The following ERC2 variants were observed in gnomAD, a reference collection of about 807,000 sequenced individuals.
The protein encoded by ERC2 is ERC protein 2.
ERC2 carries 42 observed loss-of-function variants against 114.8 expected under a neutral mutation model. The ratio of observed to expected loss-of-function variants is 0.37; its 90% CI spans 0.29 to 0.47. The LOEUF is 0.47. Among genes scored for constraint, ERC2 ranks in the 20% least tolerant of loss-of-function variants. ERC2 has a pLI of 0.99. For missense variants in ERC2, 939 were observed against 1,150.7 expected (o/e 0.82, Z 2.66); for synonymous variants, 454 against 425.5 (o/e 1.07, Z -0.82).
chr3:56,096,521 G>A (rs1256804296), intron 6 of ERC2, among the ~76,000 whole-genome samples: 3 of 152,266 alleles, frequency 2.0e-5, no homozygotes, highest in African/African-American at 7.2e-5. Context: ...CAAAAAAAGG[G>A]TGAATGTACT....
intron 7 of ERC2, among the ~76,000 whole-genome samples, chr3:56,040,173 A>T (rs1053800786): frequency 8.5e-5 from 13 of 152,348 alleles, no homozygotes; most frequent in Admixed American, 2.0e-4. Context: ...GCTTTTGCAC[A>T]GCAAAGGAAA....
intron 14 of ERC2, among the ~76,000 whole-genome samples, chr3:55,869,606 C>G (rs1161131982): frequency 6.6e-6 from 1 of 152,176 alleles, no homozygotes; most frequent in Non-Finnish European, 1.5e-5. Context: ...CATTCCTCAA[C>G]CACATGACTC....
chr3:56,321,719 TAACTC>T (rs1257363734), intron 2 of ERC2, among the ~76,000 whole-genome samples: 2 of 152,248 alleles, frequency 1.3e-5, no homozygotes, highest in African/African-American at 4.8e-5. Flanking sequence ...TTACAAGAAA[TAACTC>T]AAGTTAAGTT....
At chr3:55,893,688 T>A (rs575456357) in intron 13 of ERC2, among the ~76,000 whole-genome samples, 79 of 152,298 alleles carry the variant, frequency 5.2e-4, no homozygotes, top group African/African-American at 1.9e-3. Flanking sequence ...TTCTCTTTCC[T>A]CTTTTATTTT....
chr3:55,633,095 C>A (rs2059820421), intron 17 of ERC2, among the ~76,000 whole-genome samples: 1 of 152,172 alleles, frequency 6.6e-6, no homozygotes, highest in Non-Finnish European at 1.5e-5. Flanking sequence ...CTTTGGTGGG[C>A]TTTTGTGAGC....
rs368620542 is a variant in ERC2 at position 55,624,336 on chromosome 3, C to T, written c.*39+59458G>A. On this transcript the variant is annotated intron_variant, in intron 17 of 17. Transcript: ENST00000288221. ...TGAGGACGAGTCTGAGGTAGTTGAA[C>T]CTAATATGGTTGGAAATAAAGAGGA... is the stretch of plus-strand genomic sequence containing the variant. Among the ~76,000 whole-genome samples, 32 of 152,194 alleles carry T rather than the reference C, an allele frequency of 2.1e-4. No homozygotes were observed. In the East Asian group the frequency reaches 6.0e-3, roughly 28 times the overall value.
chr3:55,924,344 T>C (rs1363467586), intron 13 of ERC2, among the ~76,000 whole-genome samples: 4 of 152,006 alleles, frequency 2.6e-5, no homozygotes, highest in African/African-American at 9.7e-5. Flanking sequence ...TACAGACAAA[T>C]GAATGGGCAT....
chr3:56,121,001 AC>A (rs2079543588), intron 6 of ERC2, among the ~76,000 whole-genome samples: 1 of 152,216 alleles, frequency 6.6e-6, no homozygotes, highest in Non-Finnish European at 1.5e-5. Context: ...AACAAAAATG[AC>A]CCCAGAATCA....
intron 7 of ERC2, among the ~76,000 whole-genome samples, chr3:56,051,820 A>C (rs1489866328): frequency 1.6e-5 from 2 of 125,322 alleles, no homozygotes; most frequent in Non-Finnish European, 3.3e-5. Flanking sequence ...GTGAGACTCC[A>C]TCTCAAACAC....
intron 6 of ERC2, among the ~76,000 whole-genome samples, chr3:56,086,492 CTT>C (rs113369686): frequency 3.0e-4 from 42 of 140,238 alleles, no homozygotes; most frequent in Middle Eastern, 3.8e-3. Flanking sequence ...TCAGGGTCTT[CTT>C]TTTTTTTTTT....
At chr3:56,107,916 G>A (rs986249534) in intron 6 of ERC2, among the ~76,000 whole-genome samples, 4 of 152,148 alleles carry the variant, frequency 2.6e-5, no homozygotes, top group African/African-American at 7.2e-5. Context: ...GTTAATTGAT[G>A]CTGTCAAGAA....
At chr3:56,138,785 C>T (rs1478919907) in intron 6 of ERC2, among the ~76,000 whole-genome samples, 1 of 152,170 alleles carries the variant, frequency 6.6e-6, no homozygotes, top group African/African-American at 2.4e-5. Context: ...ATTTTATTTA[C>T]ACAATAACTA....
intron 2 of ERC2, among the ~76,000 whole-genome samples, chr3:56,338,757 T>C (rs376274233): frequency 1.3e-5 from 2 of 152,222 alleles, no homozygotes; most frequent in African/African-American, 4.8e-5. Flanking sequence ...AGGGCCAAAG[T>C]CCTTCCTTAA....
intron 2 of ERC2, among the ~76,000 whole-genome samples, chr3:56,409,715 A>G (rs992900886): frequency 2.6e-5 from 4 of 152,272 alleles, no homozygotes; most frequent in Non-Finnish European, 4.4e-5. Flanking sequence ...AACTCTTACC[A>G]CTACAGCCCC....
At chr3:55,933,894 GC>G (rs1006462736) in intron 13 of ERC2, among the ~76,000 whole-genome samples, 5 of 152,180 alleles carry the variant, frequency 3.3e-5, no homozygotes, top group African/African-American at 1.2e-4. Flanking sequence ...AGAAGAAAGG[GC>G]TTTCTGTCTC....
chr3:55,534,376 T>TGAC (rs2053856975), intron 17 of ERC2, among the ~76,000 whole-genome samples: 1 of 136,336 alleles, frequency 7.3e-6, no homozygotes, highest in Non-Finnish European at 1.5e-5. Flanking sequence ...CCAACCTGGA[T>TGAC]GACAGAGTGA....
chr3:55,901,259 T>C (rs1449586448), intron 13 of ERC2, among the ~76,000 whole-genome samples: 3 of 152,226 alleles, frequency 2.0e-5, no homozygotes, highest in Non-Finnish European at 4.4e-5. Flanking sequence ...TTTTCCATTA[T>C]TGTACAATAA....
chr3:56,005,528 C>T (rs1277369824), intron 10 of ERC2, among the ~76,000 whole-genome samples: 3 of 152,000 alleles, frequency 2.0e-5, no homozygotes, highest in Non-Finnish European at 4.4e-5. Flanking sequence ...CTTTTAATTA[C>T]TAGTGGATTT....
intron 16 of ERC2, among the ~76,000 whole-genome samples, chr3:55,689,691 G>A (rs1201903455): frequency 2.0e-5 from 3 of 151,862 alleles, no homozygotes; most frequent in Non-Finnish European, 4.4e-5. Flanking sequence ...ATGAGGGGAG[G>A]CTGAGGCAGG....
Sources: allele counts gnomAD v4.1 joint callset (sites outside exome capture counted in the v4.1 genomes callset), GRCh38; gene constraint gnomAD v4.1.1; transcripts MANE v1.5; gene names NCBI Gene and HGNC (gene_info 2026-07-23, HGNC 2026-07-21).